Variants in LRFN1 observed in about 807,000 individuals in gnomAD.
LRFN1 encodes leucine-rich repeat and fibronectin type III domain-containing protein 1.
In LRFN1, 20 loss-of-function variants were observed where a neutral mutation model predicts 31.8. The observed-to-expected ratio is 0.63, with a 90% CI of 0.44 to 0.91. The LOEUF is 0.91. Ranked by LOEUF, LRFN1 falls within the 40% of genes least tolerant of loss-of-function variation. The pLI, the probability that LRFN1 is intolerant of heterozygous loss-of-function variation, is 0.00. For synonymous variants in LRFN1, 514 were observed against 541.3 expected (o/e 0.95, Z 0.70); for missense variants, 912 against 1,129.8 (o/e 0.81, Z 2.76).
intron 4 of LRFN1, among the ~76,000 whole-genome samples, chr19:39,309,326 C>T (rs2060808464): frequency 6.6e-6 from 1 of 151,832 alleles, no homozygotes. Flanking sequence ...TGGTGGCAGG[C>T]ACCTGTAATC....
rs2075168015 is a variant in LRFN1, at chr19:39,315,246, C to T, written c.91G>A (p.Gly31Ser). The change falls in exon 4 of 5, where the codon GGC becomes AGC. Residue 31 changes from glycine to serine, a missense_variant. Gly to Ser is a moderately conservative substitution (Grantham distance 56). Coordinates refer to ENST00000248668, the MANE Select transcript of LRFN1 (RefSeq NM_020862.2). The surrounding 1 kb of genome is among the most constrained non-coding windows in gnomAD (Gnocchi z 4.7). ...LLLLWAGASR[G>S]QPCPGRCICQ... The stretch of plus-strand genomic sequence containing the variant: ...ATGCAGCGGCCGGGGCAGGGCTGGC[C>T]ACGAGATGCCCCCGCCCAGAGCAGC... The T allele has an allele frequency of 6.5e-7, 1 of 1,550,062 alleles. No homozygotes were observed. The highest frequency in any genetic ancestry group is 1.4e-5 in the African/African-American group (1 of 73,932).
Position 39,308,559 on chromosome 19 carries a change from G to GT in LRFN1, c.1407-18dup. 8.2e-7 allele frequency: 1 copy of GT among 1,212,672 alleles called. No individual in the cohort carries two copies. Among genetic ancestry groups the GT allele is most frequent in the Non-Finnish European group, 1.2e-6 (1 of 862,708 alleles). 75.1% of individuals were successfully genotyped at this position (1,212,672 alleles called of 1,614,324 possible). A position where few individuals can be genotyped will look rare whatever the true frequency, so the allele number is the denominator to read the frequency against. On this transcript the variant is annotated splice_polypyrimidine_tract_variant and intron_variant, in intron 4 of 4. Transcript: ENST00000248668. The surrounding 1 kb of genome is among the most constrained non-coding windows in gnomAD (Gnocchi z 6.2). Reference sequence around the variant, plus strand: ...GGGATCATCCTGTAGGAGGGGGCGGGTTCAGGGCGGGGTTAGTCCCCCCGA... The same window carrying GT: ...GGGATCATCCTGTAGGAGGGGGCGGGTTTCAGGGCGGGGTTAGTCCCCCCGA...
In LRFN1 at chr19:39,307,421, G is replaced by C. The variant is rs1366346381; in HGVS notation, c.*212C>G. On this transcript the variant is annotated 3_prime_UTR_variant, in exon 5 of 5. Transcript: ENST00000248668. The surrounding 1 kb of genome is among the most constrained non-coding windows in gnomAD (Gnocchi z 6.7). ...GTCGAGGAGTCCATAGGGGAAGGGAGGCCGGCAGCCGGTCCCCGAACCCCG... is the reference window on the plus strand; with the variant it reads ...GTCGAGGAGTCCATAGGGGAAGGGACGCCGGCAGCCGGTCCCCGAACCCCG... The C allele has an allele frequency of 4.3e-6, 2 of 463,388 alleles. 1 individual carries two copies. Among genetic ancestry groups the C allele is most frequent in the South Asian group, 1.1e-4 (2 of 17,408 alleles). 28.7% of individuals were successfully genotyped at this position (463,388 alleles called of 1,614,324 possible).
In LRFN1 at chr19:39,306,911, T is replaced by G; in HGVS notation, c.*722A>C. On this transcript the variant is annotated 3_prime_UTR_variant, in exon 5 of 5. Transcript: ENST00000248668. ...GTTTTGGATTTTGTTCGTGTGGGGA[T>G]TTATTTGGGAGAGTCTGGTCCTTCC... is the stretch of plus-strand genomic sequence containing the variant. 5 of 167,054 alleles carry G rather than the reference T, an allele frequency of 3.0e-5. No individual in the cohort carries two copies. Among genetic ancestry groups the G allele is most frequent in the Non-Finnish European group, 3.8e-5 (3 of 78,828 alleles). 10.3% of individuals were successfully genotyped at this position (167,054 alleles called of 1,614,324 possible).
rs1331747137 is a variant in LRFN1 at position 39,315,992 on chromosome 19, A to T, written c.-38+90T>A. Reference sequence around the variant, plus strand: ...ACCTGGGCCCTCCAGTACCCACTAAATTGTCTAAAAAATCACTGTTAACTA... The same window carrying T: ...ACCTGGGCCCTCCAGTACCCACTAATTTGTCTAAAAAATCACTGTTAACTA... On this transcript the variant is annotated intron_variant, in intron 3 of 4. Transcript: ENST00000248668. The surrounding 1 kb of genome is among the most constrained non-coding windows in gnomAD (Gnocchi z 4.7). 1 of 152,018 alleles carries T rather than the reference A, an allele frequency of 6.6e-6. No individual in the cohort carries two copies. The highest frequency in any genetic ancestry group is 2.4e-5 in the African/African-American group (1 of 41,342). The allele number at this position is 152,018 out of a possible 1,614,324, so 9.4% of individuals were successfully genotyped here.
chr19:39,310,041 T>TCGGCTCA (rs1386903529), intron 4 of LRFN1, among the ~76,000 whole-genome samples: 21 of 152,204 alleles, frequency 1.4e-4, no homozygotes, highest in African/African-American at 4.3e-4. Flanking sequence ...CACTGCAATC[T>TCGGCTCA]CTGCCTTCCG....
chr19:39,308,094 C>T lies in LRFN1; in HGVS notation c.1855G>A (p.Val619Ile). ...TCCATGGCCTTGGCCTCGACGGCGA[C>T]GGCGGGGGCAGCCTGGGACTCCACC... ...REVESQAAPA[V>I]AVEAKAMEAE... The change falls in exon 5 of 5, where the codon GTC becomes ATC. Residue 619 changes from valine to isoleucine, a missense_variant. This residue lies in a region of LRFN1 where 511 missense variants were observed against 557.0 expected (regional missense o/e 0.92). Coordinates refer to ENST00000248668, the MANE Select transcript of LRFN1 (RefSeq NM_020862.2). The surrounding 1 kb of genome is among the most constrained non-coding windows in gnomAD (Gnocchi z 6.2). The T allele has an allele frequency of 6.7e-7, 1 of 1,495,132 alleles. No homozygotes were observed. Among genetic ancestry groups the T allele is most frequent in the Non-Finnish European group, 8.9e-7 (1 of 1,128,246 alleles). The allele number at this position is 1,495,132 out of a possible 1,614,324, so 92.6% of individuals were successfully genotyped here. A position where few individuals can be genotyped will look rare whatever the true frequency, so the allele number is the denominator to read the frequency against.
rs191440882 is a variant in LRFN1 at position 39,308,453 on chromosome 19, T to C, written c.1496A>G (p.Asp499Gly). 2.6e-5 allele frequency: 42 copies of C among 1,609,704 alleles called. No individual in the cohort carries two copies. The African/African-American group carries it at 4.8e-4, about 18-fold the overall frequency. The change falls in exon 5 of 5, where the codon GAC (aspartate) becomes GGC (glycine). Residue 499 changes from aspartate (D) to glycine (G), a missense_variant. By Grantham distance (94) the Asp-to-Gly change is moderately conservative. Around this residue, in one of 2 missense-constraint regions of LRFN1, gnomAD observed 511 missense variants for 557.0 expected, o/e 0.92. Transcript: ENST00000248668. The surrounding 1 kb of genome is among the most constrained non-coding windows in gnomAD (Gnocchi z 6.2). ...CGTTGCCGGCAGCGCTGTGGCCCCGTCGTCGTAGACCGCCAGCACGCACAA... is the reference window on the plus strand; with the variant it reads ...CGTTGCCGGCAGCGCTGTGGCCCCGCCGTCGTAGACCGCCAGCACGCACAA... Reference protein sequence around the residue: ...YDLCVLAVYDDGATALPATRV... With the variant: ...YDLCVLAVYDGGATALPATRV...
At chr19:39,313,332 A>T (rs112419639) in intron 4 of LRFN1, among the ~76,000 whole-genome samples, 2,163 of 152,248 alleles carry the variant, frequency 0.014, 47 homozygotes, top group African/African-American at 0.046. Context: ...GGAGTTCAAG[A>T]CCAGCCTGCC....
chr19:39,314,019 T>G lies in LRFN1; in HGVS notation c.1318A>C (p.Ile440Leu), dbSNP rs777403758. The G allele has an allele frequency of 6.2e-7, 1 of 1,611,876 alleles. No homozygotes were observed. Among genetic ancestry groups the G allele is most frequent in the South Asian group, 1.1e-5 (1 of 91,078 alleles). Residue 440 changes from isoleucine (I) to leucine (L), a missense_variant, in exon 4 of 5, where the codon ATC becomes CTC. Around this residue, in one of 2 missense-constraint regions of LRFN1, gnomAD observed 511 missense variants for 557.0 expected, o/e 0.92. Transcript: ENST00000248668. The stretch of plus-strand genomic sequence containing the variant: ...ACAGGCCTCTGGGCTGGCCAGCGGA[T>G]GAGCACGGAGTTCGAGGTGAGCTCG... ...AAELTSNSVL[I>L]RWPAQRPVPG...
chr19:39,318,920 A>G (rs1332089840), intron 1 of LRFN1, among the ~76,000 whole-genome samples: 1 of 152,170 alleles, frequency 6.6e-6, no homozygotes, highest in Admixed American at 6.5e-5. Context: ...ATATGGACAC[A>G]CTGTGTCCAG....
intron 4 of LRFN1, among the ~76,000 whole-genome samples, chr19:39,310,239 T>C (rs917962438): frequency 2.6e-5 from 4 of 152,354 alleles, no homozygotes; most frequent in East Asian, 3.9e-4. Context: ...ATTACAGTCA[T>C]GAACCACCAC....
At chr19:39,313,030 G>C (rs1339503904) in intron 4 of LRFN1, among the ~76,000 whole-genome samples, 1 of 152,156 alleles carries the variant, frequency 6.6e-6, no homozygotes, top group African/African-American at 2.4e-5. Flanking sequence ...ACAGAGAGGT[G>C]AAAGGAGAAA....
At position 39,314,005 on chromosome 19, in the gene LRFN1, G is replaced by A; in HGVS notation, c.1332C>T (p.Ala444=). 6.2e-7 allele frequency: 1 copy of A among 1,611,622 alleles called. No homozygotes were observed. The highest frequency in any genetic ancestry group is 8.5e-7 in the Non-Finnish European group (1 of 1,179,752). Residue 444 remains alanine (A), a synonymous_variant, in exon 4 of 5, where the codon GCC becomes GCT. Transcript: ENST00000248668. The part of the protein sequence containing the change: ...TSNSVLIRWP[A]QRPVPGIRMY... The stretch of plus-strand genomic sequence containing the variant: ...TGCGTATTCCGGGCACAGGCCTCTG[G>A]GCTGGCCAGCGGATGAGCACGGAGT...
At chr19:39,312,231 G>T (rs2075153168) in intron 4 of LRFN1, among the ~76,000 whole-genome samples, 1 of 151,768 alleles carries the variant, frequency 6.6e-6, no homozygotes, top group Non-Finnish European at 1.5e-5. Context: ...CACACCTATG[G>T]CCAAGAAAAC....
In LRFN1 at chr19:39,307,305, T is replaced by C; in HGVS notation, c.*328A>G. On this transcript the variant is annotated 3_prime_UTR_variant, in exon 5 of 5. Transcript: ENST00000248668. The surrounding 1 kb of genome is among the most constrained non-coding windows in gnomAD (Gnocchi z 6.7). ...GGGCTCGTGTCTCAGTGCTGCAGTG[T>C]CAGGGGGCCCTGCCCCTCCCCGCGC... 1 of 399,476 alleles carries C rather than the reference T, an allele frequency of 2.5e-6. No individual in the cohort carries two copies. Among genetic ancestry groups the C allele is most frequent in the Non-Finnish European group, 4.4e-6 (1 of 226,534 alleles). The allele number at this position is 399,476 out of a possible 1,614,324, so 24.7% of individuals were successfully genotyped here.
chr19:39,316,446 T>C (rs2075172214), intron 2 of LRFN1, among the ~76,000 whole-genome samples: 1 of 152,154 alleles, frequency 6.6e-6, no homozygotes, highest in Non-Finnish European at 1.5e-5. Context: ...GGATGATAAT[T>C]GTACCATCTT....
chr19:39,307,877 G>A lies in LRFN1; in HGVS notation c.2072C>T (p.Pro691Leu), dbSNP rs1213816845. 6.5e-7 allele frequency: 1 copy of A among 1,544,570 alleles called. No individual in the cohort carries two copies. Among genetic ancestry groups the A allele is most frequent in the Non-Finnish European group, 8.7e-7 (1 of 1,152,002 alleles). The change falls in exon 5 of 5, where the codon CCT becomes CTT. Residue 691 changes from proline to leucine, a missense_variant. Transcript: ENST00000248668. The surrounding 1 kb of genome is among the most constrained non-coding windows in gnomAD (Gnocchi z 6.7). ...TSAPPTLALV[P>L]GGAAARPRPQ... Reference sequence around the variant, plus strand: ...CCTCGGCCGGGCCGCGGCTCCCCCAGGAACTAGAGCTAGAGTAGGGGGCGC... The same window carrying A: ...CCTCGGCCGGGCCGCGGCTCCCCCAAGAACTAGAGCTAGAGTAGGGGGCGC...
Position 39,314,562 on chromosome 19 carries a change from C to G in LRFN1, c.775G>C (p.Glu259Gln). Reference sequence around the variant, plus strand: ...GTCAGCCGCCGCAGCCAGAGCAGCTCGCAGTTGCAGTGCAGGGGGTTGCCG... The same window carrying G: ...GTCAGCCGCCGCAGCCAGAGCAGCTGGCAGTTGCAGTGCAGGGGGTTGCCG... ...FGGNPLHCNC[E>Q]LLWLRRLTRE... Residue 259 changes from glutamate (E) to glutamine (Q), a missense_variant, in exon 4 of 5, where the codon GAG (glutamate) becomes CAG (glutamine). Coordinates refer to ENST00000248668, the MANE Select transcript of LRFN1 (RefSeq NM_020862.2). 4.3e-6 allele frequency: 7 copies of G among 1,610,074 alleles called. No homozygotes were observed. Among genetic ancestry groups the G allele is most frequent in the Non-Finnish European group, 5.9e-6 (7 of 1,178,640 alleles).
Sources: gnomAD v4.1 joint callset for allele counts (sites outside exome capture counted in the v4.1 genomes callset) on GRCh38, gnomAD v4.1.1 for gene constraint, gnomAD v4.1.1 regional missense constraint, Gnocchi (gnomAD v3.1) non-coding constraint, MANE v1.5 for transcripts, NCBI Gene and HGNC (gene_info 2026-07-23, HGNC 2026-07-21) for gene names.